Variants in RNF212B observed in about 807,000 individuals in gnomAD.
RNF212B encodes ring finger protein 212B.
A neutral mutation model predicts 55.5 loss-of-function variants in RNF212B; 52 were observed. The ratio of observed to expected loss-of-function variants is 0.94; its 90% CI spans 0.75 to 1.18. The LOEUF (loss-of-function observed/expected upper bound fraction) is 1.18. RNF212B is among the 50% of genes most tolerant of loss of function. The pLI, the probability that RNF212B is intolerant of heterozygous loss-of-function variation, is 0.00. For synonymous variants in RNF212B, 99 were observed against 121.4 expected (o/e 0.82, Z 1.21); for missense variants, 289 against 350.4 (o/e 0.82, Z 1.40).
chr14:23,268,910 T>A lies in RNF212B; in HGVS notation c.635-14T>A. 1 of 1,549,062 alleles carries A rather than the reference T, an allele frequency of 6.5e-7. No individual in the cohort carries two copies. Among genetic ancestry groups the A allele is most frequent in the Non-Finnish European group, 8.7e-7 (1 of 1,145,370 alleles). On this transcript the variant is annotated splice_polypyrimidine_tract_variant and intron_variant, in intron 11 of 14. Coordinates refer to ENST00000430154, the MANE Select transcript of RNF212B (RefSeq NM_001282322.3). ...TCATGGATTATCTCACAGGCTTATT[T>A]TTATGCTTTCCAGAAACCCCTTCAC...
Position 23,264,199 on chromosome 14 carries a change from C to T in RNF212B, c.550C>T (p.Pro184Ser). 6.5e-7 allele frequency: 1 copy of T among 1,549,902 alleles called. No homozygotes were observed. Among genetic ancestry groups the T allele is most frequent in the Non-Finnish European group, 8.7e-7 (1 of 1,146,392 alleles). ...VSRSSSAESI[P>S]YREAGFGSLG... The stretch of plus-strand genomic sequence containing the variant: ...TCGGTCCTCCTCAGCGGAATCTATT[C>T]CTTATAGAGAGGCTGGCTTTGGTAG... Residue 184 changes from proline to serine, a missense_variant, in exon 10 of 15, where the codon CCT (proline) becomes TCT (serine). Physicochemically the swap from Pro to Ser is moderately conservative, Grantham distance 74 (BLOSUM62 -1). Coordinates refer to ENST00000430154, the MANE Select transcript of RNF212B (RefSeq NM_001282322.3).
At chr14:23,190,044 AT>A (rs1458871965) in intron 1 of RNF212B, among the ~76,000 whole-genome samples, 1 of 152,062 alleles carries the variant, frequency 6.6e-6, no homozygotes, top group Non-Finnish European at 1.5e-5. Flanking sequence ...TCTTTATCTT[AT>A]TGATCTTACG....
rs780555610 is a variant in RNF212B, at chr14:23,270,586, A to G, written c.773-14A>G. ...CAAGTAAGTTATCTTTCACTGTTCC[A>G]TTCTATCCTTCAGCTCAGAGGGAGA... On this transcript the variant is annotated splice_polypyrimidine_tract_variant and intron_variant, in intron 13 of 14. Transcript: ENST00000430154. The G allele has an allele frequency of 6.5e-7, 1 of 1,544,880 alleles. No individual in the cohort carries two copies. The highest frequency in any genetic ancestry group is 1.2e-5 in the South Asian group (1 of 83,922).
intron 2 of RNF212B, chr14:23,193,493 G>A (rs1878324178): frequency 1.3e-5 from 2 of 152,190 alleles, no homozygotes; most frequent in South Asian, 4.1e-4. Flanking sequence ...GGGCAGAATG[G>A]AGGACTCAAG....
chr14:23,237,074 C>G (rs1883165009), upstream of RNF212B, among the ~76,000 whole-genome samples: 1 of 150,920 alleles, frequency 6.6e-6, no homozygotes, highest in Admixed American at 6.6e-5. Context: ...AGTGATACAC[C>G]TGCCTCAGCC....
At chr14:23,239,572 T>C (rs1157834305) in intron 1 of RNF212B, among the ~76,000 whole-genome samples, 1 of 152,160 alleles carries the variant, frequency 6.6e-6, no homozygotes, top group Non-Finnish European at 1.5e-5. Context: ...AATGGACGAT[T>C]CATTTTTTGT....
chr14:23,266,058 C>T (rs969957244), intron 11 of RNF212B, among the ~76,000 whole-genome samples: 3 of 152,176 alleles, frequency 2.0e-5, no homozygotes, highest in Middle Eastern at 3.4e-3. Context: ...CTCACTGCCA[C>T]CTTCGCCTCC....
At chr14:23,220,642 G>A (rs562198332) in intron 2 of RNF212B, among the ~76,000 whole-genome samples, 7 of 152,068 alleles carry the variant, frequency 4.6e-5, no homozygotes, top group African/African-American at 7.2e-5. Flanking sequence ...TGGCTAACAC[G>A]GTGAAATCCC....
intron 14 of RNF212B, among the ~76,000 whole-genome samples, chr14:23,271,589 T>A (rs1207637734): frequency 6.6e-6 from 1 of 152,128 alleles, no homozygotes; most frequent in African/African-American, 2.4e-5. Context: ...TCCTTCATAC[T>A]AAGATAAGTA....
chr14:23,233,257 A>G (rs1383580932), upstream of RNF212B, among the ~76,000 whole-genome samples: 1 of 152,174 alleles, frequency 6.6e-6, no homozygotes, highest in Non-Finnish European at 1.5e-5. Context: ...GTACCCAGCG[A>G]CACAAACACT....
At chr14:23,264,072 A>G in intron 9 of RNF212B, 102 bp from the exon 10 acceptor site, 1 of 867,306 alleles carries the variant, frequency 1.2e-6, no homozygotes, top group Non-Finnish European at 1.8e-6. Context: ...TGGGCAACAG[A>G]GTGAGACTCT....
At chr14:23,199,791 G>C (rs1337573003) in intron 2 of RNF212B, among the ~76,000 whole-genome samples, 4 of 152,058 alleles carry the variant, frequency 2.6e-5, no homozygotes, top group Non-Finnish European at 5.9e-5. Context: ...ATAGTCAGTA[G>C]GCAGGTATGT....
intron 2 of RNF212B, among the ~76,000 whole-genome samples, chr14:23,202,969 ATTTTATTTTG>A (rs1310509263): frequency 6.6e-6 from 1 of 151,482 alleles, no homozygotes. Context: ...ATTTTATTTC[ATTTTATTTTG>A]TTTTTTAATT....
At chr14:23,254,094 C>T (rs1197070872) in intron 4 of RNF212B, among the ~76,000 whole-genome samples, 3 of 151,836 alleles carry the variant, frequency 2.0e-5, no homozygotes, top group African/African-American at 7.3e-5. Context: ...GCCTGGGCAA[C>T]ATAGTAAGAC....
intron 11 of RNF212B, 133 bp from the exon 12 acceptor site, chr14:23,268,791 G>T: frequency 1.5e-6 from 1 of 662,572 alleles, no homozygotes; most frequent in African/African-American, 1.8e-5. Flanking sequence ...TTTTTCACTT[G>T]GCATTAGCCC....
Position 23,262,982 on chromosome 14 carries a change from C to T in RNF212B, c.524+12C>T. On this transcript the variant is annotated intron_variant, in intron 9 of 14. Transcript: ENST00000430154. ...AGTCAAGTGGTCAGGTAAACCTACA[C>T]AGCAACATTAAAACTGTTGGCAAAA... 1.3e-6 allele frequency: 2 copies of T among 1,549,202 alleles called. No homozygotes were observed. The highest frequency in any genetic ancestry group is 1.7e-6 in the Non-Finnish European group (2 of 1,145,764).
chr14:23,219,606 G>A (rs113168237), intron 2 of RNF212B, among the ~76,000 whole-genome samples: 6,815 of 151,912 alleles, frequency 0.045, 549 homozygotes, highest in African/African-American at 0.16. Context: ...CAAGTAGCTG[G>A]AATGATAGGC....
intron 3 of RNF212B, 33 bp downstream of exon 3, chr14:23,243,341 C>T (rs117416903): frequency 0.012 from 18,682 of 1,510,342 alleles, 143 homozygotes; most frequent in Non-Finnish European, 0.015. Flanking sequence ...CAAACTGTCT[C>T]ATCCCATTCC....
In RNF212B at chr14:23,255,110, C is replaced by A. The variant is rs183708924; in HGVS notation, c.229-3439C>A. On this transcript the variant is annotated intron_variant, in intron 4 of 14. Transcript: ENST00000430154. ...ATTTTAGCTGGCATAATAAAGAAGT[C>A]CCCTCTGCTTTACCCTTTACAAGGA... 3.2e-3 allele frequency among the ~76,000 whole-genome samples: 490 copies of A among 152,276 alleles called. 3 individuals carry two copies. Among genetic ancestry groups the A allele is most frequent in the Non-Finnish European group, 4.9e-3 (332 of 68,016 alleles).
Sources: gnomAD v4.1 joint callset for allele counts (sites outside exome capture counted in the v4.1 genomes callset) on GRCh38, gnomAD v4.1.1 for gene constraint, MANE v1.5 for transcripts, NCBI Gene and HGNC (gene_info 2026-07-23, HGNC 2026-07-21) for gene names.